Variants in ARMH3 observed in about 807,000 individuals in gnomAD.
ARMH3 encodes the protein armadillo like helical domain containing 3, also known as armadillo-like helical domain-containing protein 3.
A neutral mutation model predicts 99.1 loss-of-function variants in ARMH3; 60 were observed. That is an observed-to-expected ratio of 0.61 (90% confidence interval 0.49 to 0.75). The LOEUF is 0.75. ARMH3 is among the 30% of genes least tolerant of loss of function. ARMH3 has a pLI of 0.00. For synonymous variants in ARMH3, 285 were observed against 292.8 expected, an observed-to-expected ratio of 0.97 and a Z score of 0.27; for missense variants, 679 against 843.1, an observed-to-expected ratio of 0.81 and a Z score of 2.41.
chr10:101,953,535 G>A (rs929534634), intron 22 of ARMH3, among the ~76,000 whole-genome samples: 7 of 142,428 alleles, frequency 4.9e-5, no homozygotes, highest in African/African-American at 1.8e-4. Context: ...CAGCCACCGT[G>A]CCCAGCCTTT....
At chr10:101,980,327 C>G (rs1330125318) in intron 19 of ARMH3, among the ~76,000 whole-genome samples, 1 of 152,096 alleles carries the variant, frequency 6.6e-6, no homozygotes. Context: ...GAGATAGAGT[C>G]TCACTCTGTC....
intron 22 of ARMH3, among the ~76,000 whole-genome samples, chr10:101,948,576 A>G (rs1020009817): frequency 3.3e-5 from 5 of 152,228 alleles, no homozygotes; most frequent in African/African-American, 7.2e-5. Context: ...ATGTGTATCT[A>G]TCTAACAGCA....
chr10:101,876,971 G>C (rs143220190), intron 24 of ARMH3, among the ~76,000 whole-genome samples: 44 of 152,178 alleles, frequency 2.9e-4, no homozygotes, highest in Middle Eastern at 6.8e-3. Flanking sequence ...ATTTGGATAG[G>C]CTGAGGTGGG....
chr10:101,864,060 CAAAA>C (rs71485765), intron 24 of ARMH3, among the ~76,000 whole-genome samples: 16,262 of 105,234 alleles, frequency 0.15, 1,399 homozygotes, highest in East Asian at 0.48. Context: ...GACTCCATCT[CAAAA>C]AAAAAAAAAA....
intron 24 of ARMH3, among the ~76,000 whole-genome samples, chr10:101,888,815 T>A (rs2067617485): frequency 6.6e-6 from 1 of 152,204 alleles, no homozygotes; most frequent in Non-Finnish European, 1.5e-5. Context: ...ATCTGTACTT[T>A]TATATAATGC....
chr10:102,053,510 CAGGTA>C (rs1242579325), intron 1 of ARMH3, among the ~76,000 whole-genome samples: 25 of 151,930 alleles, frequency 1.6e-4, no homozygotes, highest in Admixed American at 3.9e-4. Context: ...GCTAGGATTA[CAGGTA>C]TAAGCCACCA....
Position 101,945,229 on chromosome 10 carries a change from T to C in ARMH3, c.1706-5291A>G, listed in dbSNP as rs141958550. Reference sequence around the variant, plus strand: ...CCCAAGGGTCAGCCAGTTCCAGAGCTGCATAGTGGAACTATGTGGATGGCT... The same window carrying C: ...CCCAAGGGTCAGCCAGTTCCAGAGCCGCATAGTGGAACTATGTGGATGGCT... On this transcript the variant is annotated intron_variant, in intron 22 of 25. Coordinates refer to ENST00000370033, the MANE Select transcript of ARMH3 (RefSeq NM_024541.3). Among the ~76,000 whole-genome samples, 667 of 152,302 alleles carry C rather than the reference T, an allele frequency of 4.4e-3. 7 individuals carry two copies. The highest frequency in any genetic ancestry group is 0.015 in the African/African-American group (635 of 41,568).
chr10:102,009,830 T>C lies in ARMH3; in HGVS notation c.878+147A>G, dbSNP rs949398106. On this transcript the variant is annotated intron_variant, in intron 12 of 25. Coordinates refer to ENST00000370033, the MANE Select transcript of ARMH3 (RefSeq NM_024541.3). ...GCAGAAATTTCTAAGGGTCCATTAA[T>C]GTTCAAAACCCATGAAACATTTGAA... 21 of 793,844 alleles carry C rather than the reference T, an allele frequency of 2.6e-5. No individual in the cohort carries two copies. The Admixed American group carries it at 4.9e-4, about 18-fold the overall frequency. 49.2% of individuals were successfully genotyped at this position (793,844 alleles called of 1,614,324 possible).
In ARMH3 at chr10:101,906,530, A is replaced by T. The variant is rs545655469; in HGVS notation, c.1782-17040T>A. Among the ~76,000 whole-genome samples, 10 of 152,342 alleles carry T rather than the reference A, an allele frequency of 6.6e-5. No individual in the cohort carries two copies. In the East Asian group the frequency reaches 1.9e-3, roughly 29 times the overall value. On this transcript the variant is annotated intron_variant, in intron 23 of 25. Coordinates refer to ENST00000370033, the MANE Select transcript of ARMH3 (RefSeq NM_024541.3). ...CTTGAAATAAAATAGTGGTTGTAGC[A>T]TTGGGGAAGAAGAATTTACTTGAGA...
chr10:102,054,435 TC>T (rs1341638308), intron 1 of ARMH3, among the ~76,000 whole-genome samples: 1 of 150,624 alleles, frequency 6.6e-6, no homozygotes, highest in Non-Finnish European at 1.5e-5. Context: ...TACCTAAAAG[TC>T]CAATGAAAAC....
intron 6 of ARMH3, 115 bp downstream of exon 6, chr10:102,025,041 T>C: frequency 1.2e-6 from 1 of 867,652 alleles, no homozygotes. Flanking sequence ...GGGAGTGATG[T>C]AATACCCTCA....
Position 101,935,365 on chromosome 10 carries a change from T to C in ARMH3, c.1781+4498A>G, listed in dbSNP as rs76242951. 9.2e-3 allele frequency among the ~76,000 whole-genome samples: 1,398 copies of C among 151,942 alleles called. 16 individuals carry two copies. Among genetic ancestry groups the C allele is most frequent in the African/African-American group, 0.032 (1,321 of 41,394 alleles). ...GCAAATTGTTTAAATACAAATAACT[T>C]TGACAGTTAAAGAACTAGCATGACT... On this transcript the variant is annotated intron_variant, in intron 23 of 25. Coordinates refer to ENST00000370033, the MANE Select transcript of ARMH3 (RefSeq NM_024541.3).
intron 24 of ARMH3, among the ~76,000 whole-genome samples, chr10:101,856,623 A>C (rs2066744588): frequency 6.6e-6 from 1 of 152,220 alleles, no homozygotes; most frequent in South Asian, 2.1e-4. Flanking sequence ...ATGGAATCAG[A>C]AGGAAAAAAA....
chr10:101,969,110 T>A (rs1332464728), intron 20 of ARMH3, among the ~76,000 whole-genome samples: 1 of 152,050 alleles, frequency 6.6e-6, no homozygotes, highest in Non-Finnish European at 1.5e-5. Flanking sequence ...CTGCCAAAAT[T>A]CCCCTTCCCA....
intron 20 of ARMH3, among the ~76,000 whole-genome samples, chr10:101,972,183 T>C (rs1218837173): frequency 6.6e-6 from 1 of 152,150 alleles, no homozygotes; most frequent in Non-Finnish European, 1.5e-5. Flanking sequence ...AGATCACACC[T>C]GTAAATTCAT....
intron 12 of ARMH3, 105 bp downstream of exon 12, chr10:102,009,872 T>C: frequency 1.8e-6 from 2 of 1,131,908 alleles, no homozygotes; most frequent in Admixed American, 2.4e-5. Flanking sequence ...CAAAAAAGTA[T>C]GATTCTGTAA....
intron 8 of ARMH3, among the ~76,000 whole-genome samples, chr10:102,021,690 G>C (rs12267455): frequency 6.6e-6 from 1 of 151,990 alleles, no homozygotes; most frequent in African/African-American, 2.4e-5. Context: ...TGGGACTACA[G>C]GTGCCCGCCA....
Position 101,896,243 on chromosome 10 carries a change from C to A in ARMH3, c.1782-6753G>T, listed in dbSNP as rs1010062031. Among the ~76,000 whole-genome samples, 3 of 152,040 alleles carry A rather than the reference C, an allele frequency of 2.0e-5. No homozygotes were observed. In the East Asian group the frequency reaches 5.8e-4, roughly 29 times the overall value. ...AGACCCTGTCTCAAAAACAAACAAA[C>A]AAACAAACAAACAAACAAAACAATA... is the stretch of plus-strand genomic sequence containing the variant. On this transcript the variant is annotated intron_variant, in intron 23 of 25. Transcript: ENST00000370033.
intron 1 of ARMH3, among the ~76,000 whole-genome samples, chr10:102,054,726 T>G (rs2067794586): frequency 6.6e-6 from 1 of 152,202 alleles, no homozygotes; most frequent in Non-Finnish European, 1.5e-5. Context: ...CCGGGCGCAG[T>G]GGCTCACACC....
Sources: gnomAD v4.1 joint callset for allele counts (sites outside exome capture counted in the v4.1 genomes callset) on GRCh38, gnomAD v4.1.1 for gene constraint, MANE v1.5 for transcripts, NCBI Gene and HGNC (gene_info 2026-07-23, HGNC 2026-07-21) for gene names.